The following BARHL2 variants were observed in gnomAD, a reference collection of about 807,000 sequenced individuals.
The protein encoded by BARHL2 is barH-like 2 homeobox protein.
Under a neutral mutation model 27.1 loss-of-function variants are expected in BARHL2, and 10 were observed. That is an observed-to-expected ratio of 0.37 (90% CI 0.23 to 0.63). BARHL2 has a LOEUF of 0.63. Among genes scored for constraint, BARHL2 ranks in the 20% least tolerant of loss-of-function variants. BARHL2 has a pLI of 0.65. For synonymous variants in BARHL2, 248 were observed against 224.7 expected, an observed-to-expected ratio of 1.10 and a Z score of -0.93; for missense variants, 483 against 533.5, an observed-to-expected ratio of 0.91 and a Z score of 0.93.
intron 1 of BARHL2, among the ~76,000 whole-genome samples, chr1:90,716,140 A>G (rs1312754121): frequency 2.0e-5 from 3 of 150,370 alleles, no homozygotes; most frequent in African/African-American, 7.4e-5. Flanking sequence ...AATCACTTGT[A>G]CTAAAGAATA....
At position 90,716,671 on chromosome 1, in the gene BARHL2, G is replaced by A. The variant is rs1310857048; in HGVS notation, c.525C>T (p.Ser175=). The A allele has an allele frequency of 6.2e-7, 1 of 1,613,504 alleles. No individual in the cohort carries two copies. ...SSPHHTPKQE[S]NAVHESFRPK... is the part of the protein sequence containing the mutation. ...GCCTGAAGCTCTCGTGCACTGCGTT[G>A]CTCTCCTGCTTCGGGGTGTGGTGGG... Residue 175 remains serine, a synonymous_variant, in exon 1 of 3, where the codon AGC becomes AGT. Transcript: ENST00000370445.
At position 90,712,516 on chromosome 1, in the gene BARHL2, G is replaced by C; in HGVS notation, c.960C>G (p.Ser320Arg). The C allele has an allele frequency of 6.2e-7, 1 of 1,614,068 alleles. No homozygotes were observed. Among genetic ancestry groups the C allele is most frequent in the Non-Finnish European group, 8.5e-7 (1 of 1,180,004 alleles). ...MFPSPYFYHP[S>R]LLGSMDSTTA... The stretch of plus-strand genomic sequence containing the variant: ...TAGTGCTGTCCATGCTGCCCAGCAG[G>C]CTTGGGTGATAGAAATAAGGCGATG... The change falls in exon 3 of 3, where the codon AGC (serine) becomes AGG (arginine). Residue 320 changes from serine (S) to arginine (R), a missense_variant. Physicochemically the swap from Ser to Arg is moderately radical, Grantham distance 110 (BLOSUM62 -1). This residue lies in a region of BARHL2 where 130 missense variants were observed against 138.0 expected (regional missense o/e 0.94). Coordinates refer to ENST00000370445, the MANE Select transcript of BARHL2 (RefSeq NM_020063.2).
rs1321548412 is a variant in BARHL2, at chr1:90,714,719, G to GCTACTCGTAATCTCCCGGT, written c.644_662dup (p.Ser221ArgfsTer7). Reference sequence around the variant, plus strand: ...TGGCTCTCACAGGGGGACTCTCACGGCTACTCGTAATCTCCCGGTCTCCTT... The same window carrying GCTACTCGTAATCTCCCGGT: ...TGGCTCTCACAGGGGGACTCTCACGGCTACTCGTAATCTCCCGGTCTACTCGTAATCTCCCGGTCTCCTT... On this transcript the variant is annotated stop_gained and frameshift_variant, in exon 2 of 3. Transcript: ENST00000370445. LOFTEE classifies it high-confidence loss of function. The GCTACTCGTAATCTCCCGGT allele has an allele frequency of 6.2e-7, 1 of 1,614,160 alleles. No individual in the cohort carries two copies. The highest frequency in any genetic ancestry group is 2.2e-5 in the East Asian group (1 of 44,874).
Position 90,717,282 on chromosome 1 carries a change from C to T in BARHL2, c.-87G>A. 2 of 1,530,442 alleles carry T rather than the reference C, an allele frequency of 1.3e-6. No individual in the cohort carries two copies. The highest frequency in any genetic ancestry group is 1.3e-5 in the South Asian group (1 of 77,530). The allele number at this position is 1,530,442 out of a possible 1,614,324, so 94.8% of individuals were successfully genotyped here. A position where few individuals can be genotyped will look rare whatever the true frequency, so the allele number is the denominator to read the frequency against. ...TATCGATCGTAAAACAAAATAAACA[C>T]CAAACAATGTTGCCGCCGCTTAAAA... On this transcript the variant is annotated 5_prime_UTR_variant, in exon 1 of 3. The change creates a new upstream start codon in the 5' untranslated region. Coordinates refer to ENST00000370445, the MANE Select transcript of BARHL2 (RefSeq NM_020063.2).
rs1384407324 is a variant in BARHL2, at chr1:90,711,549, A to G, written c.*763T>C. 4.6e-5 allele frequency: 7 copies of G among 152,230 alleles called. No individual in the cohort carries two copies. The highest frequency in any genetic ancestry group is 1.0e-4 in the Non-Finnish European group (7 of 68,042). The allele number at this position is 152,230 out of a possible 1,614,324, so 9.4% of individuals were successfully genotyped here. A position where few individuals can be genotyped will look rare whatever the true frequency, so the allele number is the denominator to read the frequency against. ...CTTGGATTTCATCACTTGTTAAAAA[A>G]AGATAAACTTTATTTTTGTAATTTT... On this transcript the variant is annotated 3_prime_UTR_variant, in exon 3 of 3. Transcript: ENST00000370445.
In BARHL2 at chr1:90,717,136, G is replaced by C; in HGVS notation, c.60C>G (p.Ala20=). 4 of 1,613,858 alleles carry C rather than the reference G, an allele frequency of 2.5e-6. No homozygotes were observed. Among genetic ancestry groups the C allele is most frequent in the Non-Finnish European group, 3.4e-6 (4 of 1,179,956 alleles). The stretch of plus-strand genomic sequence containing the variant: ...TCATCATGCCTGGGCTGCCTGAACT[G>C]GCACTGGACAAAATCGTGTCTATTC... The part of the protein sequence containing the change: ...SFGIDTILSS[A]SSGSPGMMNG... The change falls in exon 1 of 3, where the codon GCC becomes GCG. Residue 20 remains alanine (A), a synonymous_variant. Coordinates refer to ENST00000370445, the MANE Select transcript of BARHL2 (RefSeq NM_020063.2).
intron 1 of BARHL2, among the ~76,000 whole-genome samples, chr1:90,715,441 A>C (rs558309454): frequency 1.3e-5 from 2 of 152,120 alleles, no homozygotes; most frequent in Admixed American, 1.3e-4. Flanking sequence ...TTTTTTACTG[A>C]AATGCTGGGA....
At chr1:90,714,782 G>A (rs1338238977) in intron 1 of BARHL2, 26 bp from the exon 2 acceptor site, 3 of 1,610,024 alleles carry the variant, frequency 1.9e-6, no homozygotes, top group Non-Finnish European at 2.6e-6. Context: ...AGCCACGGTG[G>A]TAAGTTAGCC....
intron 1 of BARHL2, among the ~76,000 whole-genome samples, chr1:90,715,337 G>T (rs141092361): frequency 6.6e-6 from 1 of 152,228 alleles, no homozygotes; most frequent in East Asian, 1.9e-4. Flanking sequence ...GCTTCACAAA[G>T]AATATGTCAC....
chr1:90,714,328 T>C (rs550572692), intron 2 of BARHL2, among the ~76,000 whole-genome samples: 34 of 152,310 alleles, frequency 2.2e-4, no homozygotes, highest in African/African-American at 7.9e-4. Flanking sequence ...AATTGCAAAA[T>C]TGTCCAAATT....
At chr1:90,716,249 T>G (rs1658141944) in intron 1 of BARHL2, among the ~76,000 whole-genome samples, 1 of 151,928 alleles carries the variant, frequency 6.6e-6, no homozygotes, top group Non-Finnish European at 1.5e-5. Context: ...AAACCCCAAG[T>G]CCATCCCTTT....
chr1:90,716,437 C>T, intron 1 of BARHL2, 134 bp downstream of exon 1: 2 of 948,384 alleles, frequency 2.1e-6, no homozygotes, highest in Non-Finnish European at 3.3e-6. Context: ...CAGCTGCAGT[C>T]TTTTGACCGT....
chr1:90,714,714 T>C lies in BARHL2; in HGVS notation c.668A>G (p.Glu223Gly), dbSNP rs772502406. 2 of 1,614,216 alleles carry C rather than the reference T, an allele frequency of 1.2e-6. No homozygotes were observed. Among genetic ancestry groups the C allele is most frequent in the South Asian group, 2.2e-5 (2 of 91,086 alleles). ...CTTCTTGGCTCTCACAGGGGGACTC[T>C]CACGGCTACTCGTAATCTCCCGGTC... ...EGDREITSSR[E>G]SPPVRAKKPR... The change falls in exon 2 of 3, where the codon GAG becomes GGG. Residue 223 changes from glutamate (E) to glycine (G), a missense_variant. By Grantham distance (98) the Glu-to-Gly change is moderately conservative. Transcript: ENST00000370445.
At position 90,716,680 on chromosome 1, in the gene BARHL2, C is replaced by T; in HGVS notation, c.516G>A (p.Lys172=). The T allele has an allele frequency of 1.2e-6, 2 of 1,613,232 alleles. No individual in the cohort carries two copies. Among genetic ancestry groups the T allele is most frequent in the Non-Finnish European group, 1.7e-6 (2 of 1,179,628 alleles). The part of the protein sequence containing the change: ...TSVSSPHHTP[K]QESNAVHESF... ...TCTCGTGCACTGCGTTGCTCTCCTGCTTCGGGGTGTGGTGGGGAGAGGATA... is the reference window on the plus strand; with the variant it reads ...TCTCGTGCACTGCGTTGCTCTCCTGTTTCGGGGTGTGGTGGGGAGAGGATA... The change falls in exon 1 of 3, where the codon AAG becomes AAA. Residue 172 remains lysine, a synonymous_variant. Transcript: ENST00000370445.
rs200810979 is a variant in BARHL2 at position 90,714,636 on chromosome 1, C to T, written c.746G>A (p.Arg249His). 2.4e-5 allele frequency: 39 copies of T among 1,614,220 alleles called. 1 individual carries two copies. In the East Asian group the frequency reaches 3.1e-4, roughly 13 times the overall value. The change falls in exon 2 of 3, where the codon CGT (arginine) becomes CAT (histidine). Residue 249 changes from arginine (R) to histidine (H), a missense_variant. Coordinates refer to ENST00000370445, the MANE Select transcript of BARHL2 (RefSeq NM_020063.2). The part of the protein sequence containing the change: ...FSDHQLNQLE[R>H]SFERQKYLSV... The stretch of plus-strand genomic sequence containing the variant: ...CAGGTACTTCTGCCGCTCAAAGCTA[C>T]GCTCCAGTTGATTGAGCTGGTGGTC...
At chr1:90,713,034 C>T (rs1452576209) in intron 2 of BARHL2, among the ~76,000 whole-genome samples, 1 of 152,132 alleles carries the variant, frequency 6.6e-6, no homozygotes, top group Non-Finnish European at 1.5e-5. Flanking sequence ...TCCCAACAAT[C>T]CCAAAGAGTC....
At chr1:90,713,570 C>T (rs1448455253) in intron 2 of BARHL2, among the ~76,000 whole-genome samples, 9 of 152,096 alleles carry the variant, frequency 5.9e-5, no homozygotes. Flanking sequence ...TGGCTGAAAC[C>T]GTATGTAATG....
intron 2 of BARHL2, 131 bp downstream of exon 2, chr1:90,714,400 G>T: frequency 1.2e-6 from 1 of 851,602 alleles, no homozygotes; most frequent in Non-Finnish European, 1.9e-6. Flanking sequence ...CATCCTTAAA[G>T]CACCCAAGTG....
At position 90,717,037 on chromosome 1, in the gene BARHL2, C is replaced by T. The variant is rs1658166663; in HGVS notation, c.159G>A (p.Ser53=). 6.2e-7 allele frequency: 1 copy of T among 1,613,800 alleles called. No homozygotes were observed. The highest frequency in any genetic ancestry group is 8.5e-7 in the Non-Finnish European group (1 of 1,179,974). Residue 53 remains serine, a synonymous_variant, in exon 1 of 3, where the codon TCG becomes TCA. Transcript: ENST00000370445. ...FRSQATPSPC[S]EIDTVGTAPS... is the part of the protein sequence containing the mutation. ...GCGCCGTCCCTACGGTATCAATCTC[C>T]GAACAGGGAGATGGGGTGGCCTGAC... is the stretch of plus-strand genomic sequence containing the variant.
Sources: allele counts gnomAD v4.1 joint callset (sites outside exome capture counted in the v4.1 genomes callset), GRCh38; gene constraint gnomAD v4.1.1; regional missense constraint gnomAD v4.1.1; transcripts MANE v1.5; gene names NCBI Gene and HGNC (gene_info 2026-07-23, HGNC 2026-07-21).